Variants in CSMD1 observed in about 807,000 individuals in gnomAD.
CSMD1 encodes the protein CUB and sushi domain-containing protein 1.
Under a neutral mutation model 417.5 loss-of-function variants are expected in CSMD1, and 213 were observed. The observed-to-expected ratio is 0.51, with a 90% CI of 0.46 to 0.57. CSMD1 has a LOEUF of 0.57. Ranked by LOEUF, CSMD1 falls within the 20% of genes least tolerant of loss-of-function variation. The pLI is 0.00. For synonymous variants in CSMD1, 2,862 were observed against 1,736.8 expected (o/e 1.65, Z -16.11); for missense variants, 6,923 against 4,529.7 (o/e 1.53, Z -15.17).
chr8:4,757,739 A>T (rs1280791693), intron 1 of CSMD1, among the ~76,000 whole-genome samples: 1 of 152,122 alleles, frequency 6.6e-6, no homozygotes, highest in East Asian at 1.9e-4. Flanking sequence ...CAAGCAGATC[A>T]CTTGAGGCCA....
chr8:3,746,956 G>A (rs576611664), intron 6 of CSMD1, among the ~76,000 whole-genome samples: 1 of 152,320 alleles, frequency 6.6e-6, no homozygotes, highest in African/African-American at 2.4e-5. Flanking sequence ...GCCAGTCTGA[G>A]AAATAAAGCT....
intron 3 of CSMD1, among the ~76,000 whole-genome samples, chr8:4,241,397 A>G (rs968775549): frequency 6.6e-6 from 1 of 152,288 alleles, no homozygotes; most frequent in African/African-American, 2.4e-5. Flanking sequence ...CCACTTAAGT[A>G]CTTGCTAACC....
chr8:2,979,182 G>T (rs554900760), intron 54 of CSMD1, among the ~76,000 whole-genome samples: 1 of 152,190 alleles, frequency 6.6e-6, no homozygotes, highest in Non-Finnish European at 1.5e-5. Context: ...AACAGTCTGT[G>T]GCACACCAGT....
chr8:4,230,930 G>A (rs1801686214), intron 3 of CSMD1, among the ~76,000 whole-genome samples: 1 of 151,824 alleles, frequency 6.6e-6, no homozygotes, highest in Non-Finnish European at 1.5e-5. Flanking sequence ...TTAATCTCCT[G>A]TTTTTTTCTA....
At chr8:4,958,878 C>T (rs113841483) in intron 1 of CSMD1, among the ~76,000 whole-genome samples, 3,287 of 152,220 alleles carry the variant, frequency 0.022, 111 homozygotes, top group African/African-American at 0.073. Flanking sequence ...AATTTATTGA[C>T]TTCTCATTCC....
intron 7 of CSMD1, among the ~76,000 whole-genome samples, chr8:3,702,595 C>T (rs1800932259): frequency 6.6e-6 from 1 of 152,176 alleles, no homozygotes; most frequent in African/African-American, 2.4e-5. Flanking sequence ...CTTTGGGAGG[C>T]CGAGGCAGGC....
At chr8:3,003,883 G>A (rs181958000) in intron 52 of CSMD1, among the ~76,000 whole-genome samples, 1 of 152,174 alleles carries the variant, frequency 6.6e-6, no homozygotes, top group Admixed American at 6.5e-5. Flanking sequence ...TATTTTTAAA[G>A]CATCTGTTAA....
intron 3 of CSMD1, among the ~76,000 whole-genome samples, chr8:4,326,111 G>C (rs1314481351): frequency 2.0e-5 from 3 of 152,132 alleles, no homozygotes. Context: ...TCAGAGCTCA[G>C]GGCCCTACCG....
chr8:4,416,273 T>C (rs1471311763), intron 3 of CSMD1, among the ~76,000 whole-genome samples: 1 of 152,118 alleles, frequency 6.6e-6, no homozygotes, highest in Non-Finnish European at 1.5e-5. Flanking sequence ...AGCTACTGGA[T>C]CATAAAGAAT....
At chr8:4,673,075 AC>A (rs1184144055) in intron 1 of CSMD1, among the ~76,000 whole-genome samples, 3 of 151,774 alleles carry the variant, frequency 2.0e-5, no homozygotes, top group Non-Finnish European at 2.9e-5. Flanking sequence ...GCACACACAC[AC>A]AAGGTGAAAC....
At chr8:4,483,711 AAAAG>A (rs1801224346) in intron 2 of CSMD1, among the ~76,000 whole-genome samples, 1 of 152,222 alleles carries the variant, frequency 6.6e-6, no homozygotes, top group Non-Finnish European at 1.5e-5. Flanking sequence ...GTCATGAAGA[AAAAG>A]AAAGGTTCAA....
intron 26 of CSMD1, among the ~76,000 whole-genome samples, chr8:3,239,902 C>A (rs1799388475): frequency 6.6e-6 from 1 of 151,690 alleles, no homozygotes; most frequent in Admixed American, 6.6e-5. Flanking sequence ...GAAGTCCGGG[C>A]CAGGAACAAT....
At chr8:3,658,464 G>C (rs375847734) in intron 7 of CSMD1, among the ~76,000 whole-genome samples, 2 of 144,176 alleles carry the variant, frequency 1.4e-5, no homozygotes, top group Non-Finnish European at 1.5e-5. Flanking sequence ...TATATATATT[G>C]TGTATATATA....
chr8:3,448,830 T>A (rs1220462938), intron 12 of CSMD1, among the ~76,000 whole-genome samples: 1 of 152,194 alleles, frequency 6.6e-6, no homozygotes, highest in Non-Finnish European at 1.5e-5. Flanking sequence ...CACAACTTCA[T>A]GGATAATTGT....
chr8:4,123,463 T>C (rs766333681), intron 3 of CSMD1, among the ~76,000 whole-genome samples: 21 of 152,232 alleles, frequency 1.4e-4, no homozygotes, highest in Non-Finnish European at 2.9e-4. Flanking sequence ...ATATCATTAT[T>C]GTGGGTAAAT....
chr8:3,282,481 A>G (rs1334326670), intron 26 of CSMD1, among the ~76,000 whole-genome samples: 1 of 152,248 alleles, frequency 6.6e-6, no homozygotes, highest in Non-Finnish European at 1.5e-5. Flanking sequence ...AATAAGGCCA[A>G]TGAATCACAA....
chr8:4,136,013 A>T (rs1349813218), intron 3 of CSMD1, among the ~76,000 whole-genome samples: 1 of 152,194 alleles, frequency 6.6e-6, no homozygotes, highest in Non-Finnish European at 1.5e-5. Flanking sequence ...TTCAATTTCA[A>T]AAAATATTAT....
At chr8:4,184,264 T>C (rs567083791) in intron 3 of CSMD1, among the ~76,000 whole-genome samples, 19 of 152,336 alleles carry the variant, frequency 1.2e-4, no homozygotes, top group African/African-American at 4.6e-4. Flanking sequence ...ACAGCCCATA[T>C]GCTCATTTAT....
intron 5 of CSMD1, among the ~76,000 whole-genome samples, chr8:3,970,474 G>T (rs1412567804): frequency 6.6e-6 from 1 of 152,120 alleles, no homozygotes; most frequent in African/African-American, 2.4e-5. Context: ...CTGTAAACCA[G>T]AAGAAATTAT....
Sources: allele counts gnomAD v4.1 joint callset (sites outside exome capture counted in the v4.1 genomes callset), GRCh38; gene constraint gnomAD v4.1.1; transcripts MANE v1.5; gene names NCBI Gene and HGNC (gene_info 2026-07-23, HGNC 2026-07-21).